The following BLTP1 variants were observed in gnomAD, a reference collection of about 807,000 sequenced individuals.
BLTP1 encodes bridge-like lipid transfer protein family member 1.
At chr4:122,226,531 A>G in the BLTP1 span, 1 of 1,426,176 alleles carries the variant, frequency 7.0e-7, no homozygotes, top group Non-Finnish European at 9.1e-7. Flanking sequence ...ATAAGCATGT[A>G]AATGATATTA....
At chr4:122,155,735 A>G in the BLTP1 span, among the ~76,000 whole-genome samples, 1 of 152,234 alleles carries the variant, frequency 6.6e-6, no homozygotes, top group Non-Finnish European at 1.5e-5. Context: ...AGGAACTTGT[A>G]TAGAAGATAC....
the BLTP1 span, chr4:122,312,840 T>C: frequency 4.9e-6 from 4 of 810,798 alleles, no homozygotes; most frequent in Non-Finnish European, 4.5e-6. Flanking sequence ...AATTTAGGAT[T>C]CTCAGAGTGA....
At chr4:122,172,083 A>T in the BLTP1 span, among the ~76,000 whole-genome samples, 2 of 149,970 alleles carry the variant, frequency 1.3e-5, no homozygotes, top group Non-Finnish European at 3.0e-5. Flanking sequence ...TTTTTCTAGA[A>T]TTTTTTTTTT....
At chr4:122,347,410 G>C in the BLTP1 span, 1 of 1,382,988 alleles carries the variant, frequency 7.2e-7, no homozygotes, top group Admixed American at 2.6e-5. Context: ...TAGAGAACTA[G>C]AAGGAATATG....
chr4:122,227,728 A>G, the BLTP1 span: 1 of 153,024 alleles, frequency 6.5e-6, no homozygotes, highest in Non-Finnish European at 1.5e-5. Context: ...ACAATAAAGG[A>G]AACAGCTATA....
At chr4:122,338,717 C>T in the BLTP1 span, among the ~76,000 whole-genome samples, 4 of 151,998 alleles carry the variant, frequency 2.6e-5, no homozygotes, top group African/African-American at 4.8e-5. Flanking sequence ...TCTGTATATG[C>T]GGGTTTTTCA....
At chr4:122,288,079 G>GAGTT in the BLTP1 span, among the ~76,000 whole-genome samples, 3 of 152,016 alleles carry the variant, frequency 2.0e-5, no homozygotes, top group Non-Finnish European at 4.4e-5. Context: ...ATCCCTCTTA[G>GAGTT]AGTTGCCTAT....
the BLTP1 span, chr4:122,209,797 T>G: frequency 1.7e-5 from 27 of 1,611,228 alleles, no homozygotes; most frequent in African/African-American, 2.7e-5. Flanking sequence ...GACTAGAAAC[T>G]GTCTGTTTTA....
chr4:122,272,092 T>G, the BLTP1 span: 1 of 1,539,870 alleles, frequency 6.5e-7, no homozygotes, highest in Non-Finnish European at 8.8e-7. Flanking sequence ...GGTAAGACAA[T>G]GTTTGGAATG....
the BLTP1 span, chr4:122,336,129 C>A: frequency 7.4e-7 from 1 of 1,359,132 alleles, no homozygotes. Flanking sequence ...TAATATAATT[C>A]AAATTTCTGT....
chr4:122,212,056 A>C, the BLTP1 span: 65 of 984,422 alleles, frequency 6.6e-5, no homozygotes, highest in Non-Finnish European at 7.7e-5. Flanking sequence ...CCTGTAATGT[A>C]CAGTAATTAA....
chr4:122,246,183 A>G, the BLTP1 span: 6 of 1,596,550 alleles, frequency 3.8e-6, no homozygotes, highest in Admixed American at 5.3e-5. Context: ...AGAGGAACAA[A>G]AACTGAGCAG....
chr4:122,226,683 C>T, the BLTP1 span: 1 of 1,611,936 alleles, frequency 6.2e-7, no homozygotes, highest in Non-Finnish European at 8.5e-7. Flanking sequence ...ACAGTGTTGT[C>T]AACTTGTCAC....
the BLTP1 span, chr4:122,187,233 G>A: frequency 1.0e-6 from 1 of 979,836 alleles, no homozygotes; most frequent in Non-Finnish European, 1.2e-6. Context: ...AAGTTGATAT[G>A]ATAAGAGTGC....
At chr4:122,352,273 TGA>T in the BLTP1 span, among the ~76,000 whole-genome samples, 10 of 152,116 alleles carry the variant, frequency 6.6e-5, no homozygotes, top group African/African-American at 2.4e-4. Flanking sequence ...AAAGTTATAA[TGA>T]GAATTGAGAA....
chr4:122,226,755 T>C, the BLTP1 span: 1 of 1,613,626 alleles, frequency 6.2e-7, no homozygotes. Context: ...TCATGTGGTA[T>C]GTCGGGAGTA....
chr4:122,227,278 C>T, the BLTP1 span: 1 of 988,448 alleles, frequency 1.0e-6, no homozygotes, highest in Non-Finnish European at 1.2e-6. Context: ...CCTGACTCCA[C>T]ATGTTATGCT....
At chr4:122,315,468 G>A in the BLTP1 span, 1 of 1,614,020 alleles carries the variant, frequency 6.2e-7, no homozygotes, top group Non-Finnish European at 8.5e-7. Flanking sequence ...ACAGAAAGCA[G>A]TAGTGCTGGA....
At chr4:122,262,486 T>TTAAA in the BLTP1 span, among the ~76,000 whole-genome samples, 4,304 of 152,222 alleles carry the variant, frequency 0.028, 136 homozygotes, top group African/African-American at 0.08. Flanking sequence ...AAGAAGGGAA[T>TTAAA]TAAAGATCCA....
Sources: allele counts gnomAD v4.1 joint callset (sites outside exome capture counted in the v4.1 genomes callset), GRCh38; gene constraint gnomAD v4.1.1; transcripts MANE v1.5; gene names NCBI Gene and HGNC (gene_info 2026-07-23, HGNC 2026-07-21).